The following TTN variants were observed in gnomAD, a reference collection of about 807,000 sequenced individuals.
The protein encoded by TTN is connectin.
TTN carries 1,525 observed loss-of-function variants against 3,223.0 expected under a neutral mutation model. The observed-to-expected ratio is 0.47, with a 90% CI of 0.45 to 0.49. The LOEUF is 0.49. Ranked by LOEUF, TTN falls within the 20% of genes least tolerant of loss-of-function variation. The pLI, the probability that TTN is intolerant of heterozygous loss-of-function variation, is 0.00. For missense variants in TTN, 40,786 were observed against 43,424.0 expected, an observed-to-expected ratio of 0.94 and a Z score of 5.40; for synonymous variants, 14,094 against 15,161.0, an observed-to-expected ratio of 0.93 and a Z score of 5.17.
At chr2:178,748,058 A>G in intron 47 of TTN, 2 of 1,612,924 alleles carry the variant, frequency 1.2e-6, no homozygotes, top group Non-Finnish European at 1.7e-6. Flanking sequence ...TTCTTCTTCC[A>G]TTTCACCAAC....
chr2:178,733,737 A>C lies in TTN; in HGVS notation c.15652T>G (p.Phe5218Val), dbSNP rs1210028177. ...IREDGKIKMS[F>V]SNGVAVLIIP... ...ATCAAGACTGCAACACCATTGGAAA[A>C]GCTCATTTTGATTTTTCCGTCTTCT... Residue 5218 changes from phenylalanine to valine, a missense_variant, in exon 53 of 363, where the codon TTT becomes GTT. By Grantham distance (50) the Phe-to-Val change is conservative. Transcript: ENST00000589042. 1 of 1,613,856 alleles carries C rather than the reference A, an allele frequency of 6.2e-7. No individual in the cohort carries two copies.
chr2:178,786,173 G>T, intron 13 of TTN, 32 bp from the exon 14 acceptor site: 2 of 1,609,698 alleles, frequency 1.2e-6, no homozygotes, highest in Non-Finnish European at 1.7e-6. Flanking sequence ...TTAATACATA[G>T]GAATATCGAG....
intron 54 of TTN, 36 bp downstream of exon 54, chr2:178,733,203 A>C (rs1417490875): frequency 6.4e-7 from 1 of 1,558,714 alleles, no homozygotes; most frequent in Admixed American, 1.8e-5. Flanking sequence ...TTGGGTTTCA[A>C]ATGCATATGT....
In TTN at chr2:178,702,694, G is replaced by T; in HGVS notation, c.30224-31C>A. 1.9e-6 allele frequency: 3 copies of T among 1,576,178 alleles called. No individual in the cohort carries two copies. The South Asian group carries it at 3.5e-5, about 18-fold the overall frequency. Reference sequence around the variant, plus strand: ...TAAGTACAAAGAGGGTTCAAAGTTAGATTATATAGAGAGGAATTTCTTTTA... The same window carrying T: ...TAAGTACAAAGAGGGTTCAAAGTTATATTATATAGAGAGGAATTTCTTTTA... On this transcript the variant is annotated intron_variant, in intron 106 of 362. Coordinates refer to ENST00000589042, the MANE Select transcript of TTN (RefSeq NM_001267550.2).
At position 178,719,372 on chromosome 2, in the gene TTN, G is replaced by A. The variant is rs1362104156; in HGVS notation, c.24018C>T (p.Cys8006=). The A allele has an allele frequency of 1.2e-6, 2 of 1,613,728 alleles. No individual in the cohort carries two copies. The highest frequency in any genetic ancestry group is 2.2e-5 in the East Asian group (1 of 44,856). ...AILGASVVLE[C]RVSGSAPISV... ...AAATCGGGGCTGAGCCAGAGACTCGGCACTCCAAAACAACTGAGGCCCCCA... is the reference window on the plus strand; with the variant it reads ...AAATCGGGGCTGAGCCAGAGACTCGACACTCCAAAACAACTGAGGCCCCCA... The change falls in exon 83 of 363, where the codon TGC becomes TGT. Residue 8006 remains cysteine, a synonymous_variant. Coordinates refer to ENST00000589042, the MANE Select transcript of TTN (RefSeq NM_001267550.2).
chr2:178,587,794 G>A lies in TTN; in HGVS notation c.63515C>T (p.Pro21172Leu), dbSNP rs2049358687. ...CATGCTGGCATCCAAATCAATCTCCGGAGGTTCTGCAAATGACATTAAGGT... is the reference window on the plus strand; with the variant it reads ...CATGCTGGCATCCAAATCAATCTCCAGAGGTTCTGCAAATGACATTAAGGT... ...AIKPKEILEP[P>L]EIDLDASMRK... Residue 21172 changes from proline (P) to leucine (L), a missense_variant, in exon 306 of 363, where the codon CCG (proline) becomes CTG (leucine). Pro to Leu is a moderately conservative substitution (Grantham distance 98). Coordinates refer to ENST00000589042, the MANE Select transcript of TTN (RefSeq NM_001267550.2). 1.3e-6 allele frequency: 2 copies of A among 1,597,040 alleles called. No individual in the cohort carries two copies. The highest frequency in any genetic ancestry group is 1.7e-6 in the Non-Finnish European group (2 of 1,170,850).
chr2:178,641,178 A>C, intron 220 of TTN, 63 bp downstream of exon 220: 1 of 1,123,556 alleles, frequency 8.9e-7, no homozygotes, highest in East Asian at 2.7e-5. Context: ...TACAAGATAA[A>C]CCTTTTGTTA....
Position 178,794,390 on chromosome 2 carries a change from C to T in TTN, c.1398+9G>A, listed in dbSNP as rs368350210. On this transcript the variant is annotated intron_variant, in intron 8 of 362. Coordinates refer to ENST00000589042, the MANE Select transcript of TTN (RefSeq NM_001267550.2). ...CTCTGCGGGTGCCCCATGGCAGCCT[C>T]GCACGTACCTGTTCTTGAGCAGGTT... The T allele has an allele frequency of 1.5e-5, 24 of 1,613,918 alleles. No individual in the cohort carries two copies. The highest frequency in any genetic ancestry group is 1.1e-4 in the East Asian group (5 of 44,898).
chr2:178,621,946 C>A lies in TTN; in HGVS notation c.44976G>T (p.Lys14992Asn). The A allele has an allele frequency of 6.2e-7, 1 of 1,611,700 alleles. No individual in the cohort carries two copies. Among genetic ancestry groups the A allele is most frequent in the Non-Finnish European group, 8.5e-7 (1 of 1,178,794 alleles). ...KKGKKYDIIS[K>N]GAVRILVINK... ...TGATGACAAGAATGCGCACTGCTCCCTTGGATATGATGTCATATTTTTTGC... is the reference window on the plus strand; with the variant it reads ...TGATGACAAGAATGCGCACTGCTCCATTGGATATGATGTCATATTTTTTGC... Residue 14992 changes from lysine to asparagine, a missense_variant, in exon 244 of 363, where the codon AAG becomes AAT. Transcript: ENST00000589042.
rs768324323 is a variant in TTN, at chr2:178,751,639, C to T, written c.11311+1485G>A. 7.4e-6 allele frequency: 12 copies of T among 1,613,240 alleles called. No homozygotes were observed. In the South Asian group the frequency reaches 1.2e-4, roughly 16 times the overall value. On this transcript the variant is annotated intron_variant, in intron 47 of 362. Transcript: ENST00000589042. ...GCAATGATGCAGTTGATTCTGCAGACCCTTCACTATTAATTGCTAGTAACC... is the reference window on the plus strand; with the variant it reads ...GCAATGATGCAGTTGATTCTGCAGATCCTTCACTATTAATTGCTAGTAACC...
intron 2 of TTN, among the ~76,000 whole-genome samples, chr2:178,803,719 C>T (rs144952985): frequency 1.6e-3 from 236 of 150,524 alleles, no homozygotes; most frequent in Admixed American, 7.5e-3. Flanking sequence ...TTTTTTAATC[C>T]GTATCCATCT....
At position 178,526,793 on chromosome 2, in the gene TTN, C is replaced by T. The variant is rs566063792; in HGVS notation, c.*219G>A. ...GTACAAAACTTTATAACCGTTAATCCGGCTATATACAGTATGTACATGTCA... is the reference window on the plus strand; with the variant it reads ...GTACAAAACTTTATAACCGTTAATCTGGCTATATACAGTATGTACATGTCA... On this transcript the variant is annotated 3_prime_UTR_variant, in exon 363 of 363. Transcript: ENST00000589042. 5.6e-5 allele frequency: 22 copies of T among 393,500 alleles called. No homozygotes were observed. Among genetic ancestry groups the T allele is most frequent in the African/African-American group, 2.5e-4 (12 of 48,660 alleles). 24.4% of individuals were successfully genotyped at this position (393,500 alleles called of 1,614,324 possible).
At chr2:178,768,236 T>A (rs1378081195) in intron 38 of TTN, 81 bp from the exon 39 acceptor site, 2 of 1,471,528 alleles carry the variant, frequency 1.4e-6, no homozygotes, top group African/African-American at 2.8e-5. Flanking sequence ...ATCCACCAAT[T>A]TAAAGTATAC....
Position 178,602,067 on chromosome 2 carries a change from T to G in TTN, c.55204A>C (p.Ile18402Leu). The G allele has an allele frequency of 6.2e-7, 1 of 1,612,814 alleles. No homozygotes were observed. Among genetic ancestry groups the G allele is most frequent in the Non-Finnish European group, 8.5e-7 (1 of 1,179,232 alleles). Residue 18402 changes from isoleucine (I) to leucine (L), a missense_variant, in exon 284 of 363, where the codon ATC becomes CTC. By Grantham distance (5) the Ile-to-Leu change is conservative. Coordinates refer to ENST00000589042, the MANE Select transcript of TTN (RefSeq NM_001267550.2). ...GATTTTGGTGTTGGGCGTCCCTTGA[T>G]GACAGCAGGAATCCTAATCTGTGAG... ...AGSQIRIPAV[I>L]KGRPTPKSSW...
At position 178,569,217 on chromosome 2, in the gene TTN, C is replaced by G; in HGVS notation, c.76915G>C (p.Glu25639Gln). Residue 25639 changes from glutamate to glutamine, a missense_variant, in exon 326 of 363, where the codon GAG becomes CAG. Glu to Gln is a conservative substitution (Grantham distance 29). Coordinates refer to ENST00000589042, the MANE Select transcript of TTN (RefSeq NM_001267550.2). ...GATTTTCTTGTGGCTTCACGTTTCT[C>G]AACAATGTAATTTTTTATTTTGGAT... ...GGSKIKNYIV[E>Q]KREATRKSYA... 6.2e-7 allele frequency: 1 copy of G among 1,606,182 alleles called. No individual in the cohort carries two copies. Among genetic ancestry groups the G allele is most frequent in the Admixed American group, 1.7e-5 (1 of 59,206 alleles).
In TTN at chr2:178,777,362, C is replaced by A. The variant is rs574922723; in HGVS notation, c.4646-45G>T. The A allele has an allele frequency of 7.4e-6, 12 of 1,612,902 alleles. No homozygotes were observed. The East Asian group carries it at 2.5e-4, about 33-fold the overall frequency. On this transcript the variant is annotated intron_variant, in intron 26 of 362. Coordinates refer to ENST00000589042, the MANE Select transcript of TTN (RefSeq NM_001267550.2). ...ATTTAGAGGGAGTAAGGCTGAAATA[C>A]CTGTTTATAACCCAAGTGATAAGAA...
In TTN at chr2:178,593,028, G is replaced by A. The variant is rs756192412; in HGVS notation, c.59091C>T (p.Val19697=). ...GACGTGGTGGCTGCCAAGTTAGATC[G>A]ACTGAATTGCATGTTGTATCTATTG... is the stretch of plus-strand genomic sequence containing the variant. ...PEAIDTTCNS[V]DLTWQPPRHD... is the part of the protein sequence containing the mutation. Residue 19697 remains valine, a synonymous_variant, in exon 300 of 363, where the codon GTC becomes GTT. Transcript: ENST00000589042. 25 of 1,613,240 alleles carry A rather than the reference G, an allele frequency of 1.5e-5. No individual in the cohort carries two copies. Among genetic ancestry groups the A allele is most frequent in the Admixed American group, 3.3e-5 (2 of 59,938 alleles).
Position 178,587,222 on chromosome 2 carries a change from A to G in TTN, c.63989T>C (p.Leu21330Pro), listed in dbSNP as rs2049213559. ...VKKTSFHVTN[L>P]VPGNEYYFRV... ...GAAGTAATACTCATTCCCAGGGACA[A>G]GATTGGTTACATGGAAGCTTGTTTT... The change falls in exon 307 of 363, where the codon CTT becomes CCT. Residue 21330 changes from leucine (L) to proline (P), a missense_variant. By Grantham distance (98) the Leu-to-Pro change is moderately conservative. Transcript: ENST00000589042. 1.2e-6 allele frequency: 2 copies of G among 1,613,278 alleles called. No individual in the cohort carries two copies. Among genetic ancestry groups the G allele is most frequent in the South Asian group, 2.2e-5 (2 of 91,076 alleles).
At chr2:178,697,004 G>T in intron 113 of TTN, 117 bp downstream of exon 113, 2 of 896,136 alleles carry the variant, frequency 2.2e-6, no homozygotes, top group Non-Finnish European at 3.4e-6. Context: ...ATTTAACACA[G>T]CAGAGGAGAC....
Sources: gnomAD v4.1 joint callset for allele counts (sites outside exome capture counted in the v4.1 genomes callset) on GRCh38, gnomAD v4.1.1 for gene constraint, MANE v1.5 for transcripts, NCBI Gene and HGNC (gene_info 2026-07-23, HGNC 2026-07-21) for gene names.